Variants in EXOC6B observed in about 807,000 individuals in gnomAD.
EXOC6B encodes the protein SEC15 homolog B.
A neutral mutation model predicts 113.5 loss-of-function variants in EXOC6B; 54 were observed. The ratio of observed to expected loss-of-function variants is 0.48; its 90% confidence interval spans 0.38 to 0.60. The LOEUF (loss-of-function observed/expected upper bound fraction) is 0.60, where lower values mean the gene tolerates loss of function less well. EXOC6B is among the 20% of genes least tolerant of loss of function. The probability of loss-of-function intolerance (pLI) is 0.00; values close to 1 mark genes in which losing one functional copy is unlikely to be tolerated. For missense variants in EXOC6B, 797 were observed against 977.5 expected (o/e 0.82, Z 2.46); for synonymous variants, 357 against 339.0 (o/e 1.05, Z -0.58).
intron 20 of EXOC6B, among the ~76,000 whole-genome samples, chr2:72,258,455 G>T (rs1288324895): frequency 6.8e-6 from 1 of 146,414 alleles, no homozygotes; most frequent in Non-Finnish European, 1.5e-5. Context: ...CATTGACCTT[G>T]GGGGCTCAAG....
At chr2:72,585,467 C>T (rs1358205485) in intron 6 of EXOC6B, among the ~76,000 whole-genome samples, 1 of 151,836 alleles carries the variant, frequency 6.6e-6, no homozygotes, top group Admixed American at 6.6e-5. Flanking sequence ...CATGGTGGCA[C>T]ACACCTGTAG....
intron 8 of EXOC6B, among the ~76,000 whole-genome samples, chr2:72,527,096 C>G (rs1377023432): frequency 6.6e-6 from 1 of 151,984 alleles, no homozygotes; most frequent in Non-Finnish European, 1.5e-5. Context: ...CTAAGAACCA[C>G]TAACCTCTTC....
At chr2:72,292,535 T>C (rs1336801489) in intron 20 of EXOC6B, among the ~76,000 whole-genome samples, 1 of 134,056 alleles carries the variant, frequency 7.5e-6, no homozygotes, top group Non-Finnish European at 1.6e-5. Context: ...CATGCACGCT[T>C]TGTGTGTGTG....
intron 6 of EXOC6B, among the ~76,000 whole-genome samples, chr2:72,680,067 G>C (rs538949348): frequency 6.6e-5 from 10 of 152,052 alleles, no homozygotes; most frequent in Non-Finnish European, 1.3e-4. Flanking sequence ...GAATTCTAAA[G>C]TTGTTTAGGA....
intron 1 of EXOC6B, among the ~76,000 whole-genome samples, chr2:72,770,097 A>G (rs1300825443): frequency 6.6e-6 from 1 of 152,228 alleles, no homozygotes; most frequent in East Asian, 1.9e-4. Flanking sequence ...GGCAACTACT[A>G]GAGGAGGAAC....
chr2:72,689,345 T>C (rs1246579882), intron 6 of EXOC6B, among the ~76,000 whole-genome samples: 1 of 152,204 alleles, frequency 6.6e-6, no homozygotes, highest in African/African-American at 2.4e-5. Flanking sequence ...ATCAAAGTGG[T>C]TAAACCTCAG....
chr2:72,615,265 A>G (rs1218762942), intron 6 of EXOC6B, among the ~76,000 whole-genome samples: 2 of 152,134 alleles, frequency 1.3e-5, no homozygotes, highest in African/African-American at 4.8e-5. Flanking sequence ...TATTATATAA[A>G]TAATTTTATA....
intron 20 of EXOC6B, among the ~76,000 whole-genome samples, chr2:72,239,295 T>C (rs1370176477): frequency 6.6e-6 from 1 of 152,214 alleles, no homozygotes; most frequent in African/African-American, 2.4e-5. Context: ...AATGTTTCTT[T>C]CTCAGGATTA....
intron 20 of EXOC6B, among the ~76,000 whole-genome samples, chr2:72,220,298 A>G (rs557738407): frequency 6.6e-6 from 1 of 152,170 alleles, no homozygotes; most frequent in Non-Finnish European, 1.5e-5. Context: ...TGCAAGTCCT[A>G]TCTCTGCTGC....
chr2:72,484,142 C>CT (rs76559193), intron 16 of EXOC6B, among the ~76,000 whole-genome samples: 3,034 of 135,192 alleles, frequency 0.022, 43 homozygotes, highest in Middle Eastern at 0.044. Context: ...GAGGTAATTT[C>CT]TTTTTTTTTT....
Position 72,179,128 on chromosome 2 carries a change from C to T in EXOC6B, c.*207G>A, listed in dbSNP as rs1677922932. The T allele has an allele frequency of 1.8e-6, 1 of 550,802 alleles. No homozygotes were observed. The highest frequency in any genetic ancestry group is 3.6e-5 in the Admixed American group (1 of 27,656). The allele number at this position is 550,802 out of a possible 1,614,324, so 34.1% of individuals were successfully genotyped here. ...AGTGTAGTAATAACTTCCCCTGAGTCCCAGCCTAGCAACATCTCATGTACT... is the reference window on the plus strand; with the variant it reads ...AGTGTAGTAATAACTTCCCCTGAGTTCCAGCCTAGCAACATCTCATGTACT... On this transcript the variant is annotated 3_prime_UTR_variant, in exon 22 of 22. Coordinates refer to ENST00000272427, the MANE Select transcript of EXOC6B (RefSeq NM_015189.3).
At chr2:72,414,392 C>A (rs1694386678) in intron 18 of EXOC6B, among the ~76,000 whole-genome samples, 1 of 152,136 alleles carries the variant, frequency 6.6e-6, no homozygotes. Context: ...AATAGTTTAT[C>A]TTATTGTCCA....
chr2:72,504,381 C>T (rs754509494), intron 11 of EXOC6B, among the ~76,000 whole-genome samples: 1 of 152,166 alleles, frequency 6.6e-6, no homozygotes, highest in Non-Finnish European at 1.5e-5. Context: ...TTTCTCTCAA[C>T]ATTATATAAG....
intron 20 of EXOC6B, among the ~76,000 whole-genome samples, chr2:72,184,660 TA>T (rs1678305839): frequency 6.6e-6 from 1 of 152,240 alleles, no homozygotes; most frequent in African/African-American, 2.4e-5. Flanking sequence ...TGGGTTCAAG[TA>T]TCAGTTCTGT....
intron 15 of EXOC6B, among the ~76,000 whole-genome samples, chr2:72,492,833 T>G (rs1245505674): frequency 1.3e-5 from 2 of 152,116 alleles, no homozygotes; most frequent in African/African-American, 4.8e-5. Flanking sequence ...TTTTCACCAG[T>G]TTGAATATGA....
intron 8 of EXOC6B, among the ~76,000 whole-genome samples, chr2:72,551,169 C>T (rs1558787214): frequency 6.6e-6 from 1 of 152,094 alleles, no homozygotes; most frequent in South Asian, 2.1e-4. Flanking sequence ...TCATGAGTCA[C>T]CACTGGAGTT....
chr2:72,384,391 A>G (rs1691871171), intron 18 of EXOC6B, among the ~76,000 whole-genome samples: 1 of 152,114 alleles, frequency 6.6e-6, no homozygotes, highest in Non-Finnish European at 1.5e-5. Flanking sequence ...GCCATATATG[A>G]CAATCCTATA....
chr2:72,206,069 C>A (rs546802711), intron 20 of EXOC6B, among the ~76,000 whole-genome samples: 3 of 152,098 alleles, frequency 2.0e-5, no homozygotes, highest in Non-Finnish European at 4.4e-5. Flanking sequence ...ACATTCATTG[C>A]AAGCCAGATG....
intron 19 of EXOC6B, among the ~76,000 whole-genome samples, chr2:72,342,071 G>C (rs1360497844): frequency 6.6e-6 from 1 of 151,880 alleles, no homozygotes; most frequent in South Asian, 2.1e-4. Flanking sequence ...CAAAACTTAA[G>C]GGATGCATAA....
Sources: allele counts gnomAD v4.1 joint callset (sites outside exome capture counted in the v4.1 genomes callset), GRCh38; gene constraint gnomAD v4.1.1; transcripts MANE v1.5; gene names NCBI Gene and HGNC (gene_info 2026-07-23, HGNC 2026-07-21).